Variants in DHX8 observed in about 807,000 individuals in gnomAD.
DHX8 encodes the protein ATP-dependent RNA helicase DHX8.
Under a neutral mutation model 140.7 loss-of-function variants are expected in DHX8, and 67 were observed. The ratio of observed to expected loss-of-function variants is 0.48; its 90% CI spans 0.39 to 0.58. The LOEUF (loss-of-function observed/expected upper bound fraction) is 0.58, where lower values mean the gene tolerates loss of function less well. Among genes scored for constraint, DHX8 ranks in the 20% least tolerant of loss-of-function variants. The probability of loss-of-function intolerance (pLI) is 0.00; values close to 1 mark genes in which losing one functional copy is unlikely to be tolerated. For synonymous variants in DHX8, 533 were observed against 553.2 expected, an observed-to-expected ratio of 0.96 and a Z score of 0.51; for missense variants, 887 against 1,550.7, an observed-to-expected ratio of 0.57 and a Z score of 7.19.
intron 6 of DHX8, 113 bp downstream of exon 6, chr17:43,493,153 G>A: frequency 7.2e-7 from 1 of 1,395,756 alleles, no homozygotes; most frequent in Non-Finnish European, 9.7e-7. Flanking sequence ...AGTCAAATCA[G>A]CCATACATGG....
At chr17:43,495,971 G>A (rs151243882) in intron 8 of DHX8, among the ~76,000 whole-genome samples, 1,798 of 152,046 alleles carry the variant, frequency 0.012, 35 homozygotes, top group African/African-American at 0.039. Context: ...TATGGTGTGC[G>A]CCACTAGTGT....
downstream of DHX8, chr17:43,529,343 G>T: frequency 7.2e-7 from 1 of 1,398,254 alleles, no homozygotes; most frequent in South Asian, 1.2e-5. Context: ...TGCCAAGCTA[G>T]CTCTGCAACA....
Position 43,522,134 on chromosome 17 carries a change from G to T in DHX8, c.3351G>T (p.Lys1117Asn). 1 of 1,614,136 alleles carries T rather than the reference G, an allele frequency of 6.2e-7. No individual in the cohort carries two copies. Among genetic ancestry groups the T allele is most frequent in the Non-Finnish European group, 8.5e-7 (1 of 1,180,022 alleles). ...GTGGGTTCTTCCGTAATGCTGCCAA[G>T]AAAGACCCGCAGGAGGGTTACCGGA... ...ICSGFFRNAAKKDPQEGYRTL... is the reference protein window; with the variant it reads ...ICSGFFRNAANKDPQEGYRTL... The change falls in exon 22 of 23, where the codon AAG (lysine) becomes AAT (asparagine). Residue 1117 changes from lysine to asparagine, a missense_variant. By Grantham distance (94) the Lys-to-Asn change is moderately conservative (BLOSUM62 0). This residue lies in a region of DHX8 where 101 missense variants were observed against 168.2 expected (regional missense o/e 0.60). Coordinates refer to ENST00000262415, the MANE Select transcript of DHX8 (RefSeq NM_004941.3).
intron 5 of DHX8, 86 bp downstream of exon 5, chr17:43,492,378 A>G: frequency 1.4e-5 from 14 of 1,001,772 alleles, no homozygotes; most frequent in Non-Finnish European, 2.2e-5. Context: ...ATTTTGGGCA[A>G]GTTTACAGAA....
chr17:43,487,734 C>A (rs540697689), intron 1 of DHX8, among the ~76,000 whole-genome samples: 1 of 151,902 alleles, frequency 6.6e-6, no homozygotes, highest in Non-Finnish European at 1.5e-5. Context: ...CCCAGCACTT[C>A]GGGAGGCTGA....
intron 17 of DHX8, among the ~76,000 whole-genome samples, chr17:43,514,743 G>A (rs1237913711): frequency 6.6e-6 from 1 of 152,150 alleles, no homozygotes; most frequent in East Asian, 1.9e-4. Flanking sequence ...TATATCAGAG[G>A]AAACCTGGAA....
downstream of DHX8, chr17:43,530,133 C>A: frequency 6.4e-7 from 1 of 1,570,380 alleles, no homozygotes; most frequent in Non-Finnish European, 8.6e-7. Flanking sequence ...TGGAGAGGGC[C>A]CAGAGAAGCC....
intron 12 of DHX8, 116 bp from the exon 13 acceptor site, chr17:43,506,887 A>G (rs1969525383): frequency 1.4e-6 from 1 of 717,934 alleles, no homozygotes; most frequent in Non-Finnish European, 2.1e-6. Flanking sequence ...AGAATATAGT[A>G]ATTATTTTAT....
chr17:43,515,885 A>G (rs891072969), intron 17 of DHX8, among the ~76,000 whole-genome samples: 2 of 152,160 alleles, frequency 1.3e-5, no homozygotes, highest in Non-Finnish European at 2.9e-5. Flanking sequence ...AAATCCTGGT[A>G]CTGTTTGTAA....
chr17:43,492,085 C>T (rs527423809), intron 4 of DHX8, 98 bp from the exon 5 acceptor site: 57 of 803,388 alleles, frequency 7.1e-5, no homozygotes, highest in Admixed American at 4.0e-4. Flanking sequence ...TCTTCTATTT[C>T]CCTCACATAG....
chr17:43,497,876 G>T (rs913820296), intron 9 of DHX8, among the ~76,000 whole-genome samples: 1 of 152,114 alleles, frequency 6.6e-6, no homozygotes. Flanking sequence ...AGCAAGTTCC[G>T]CTTGGTGTTG....
At chr17:43,523,508 G>A in intron 22 of DHX8, 120 bp from the exon 23 acceptor site, 1 of 1,480,080 alleles carries the variant, frequency 6.8e-7, no homozygotes, top group East Asian at 2.3e-5. Flanking sequence ...TCTTATAGGT[G>A]TCAGGCAGGA....
rs569616618 is a variant in DHX8 at position 43,542,150 on chromosome 17, T to C, written c.*21-2012T>C. Among the ~76,000 whole-genome samples, 56 of 152,100 alleles carry C rather than the reference T, an allele frequency of 3.7e-4. No individual in the cohort carries two copies. The South Asian group carries it at 0.011, about 30-fold the overall frequency. ...GAGGGTTGGGGAGCAGTGATTCCTG[T>C]GAAAAGGGGAGCGCAGATCGATCGA... On this transcript the variant is annotated intron_variant, in intron 3 of 3. Transcript: ENST00000589898.
In DHX8 at chr17:43,517,182, C is replaced by T. The variant is rs2154586827; in HGVS notation, c.2659C>T (p.Arg887Ter). The change falls in exon 18 of 23, where the codon CGA becomes TGA. Residue 887 changes from arginine to a stop codon, truncating the protein, a stop_gained. Coordinates refer to ENST00000262415, the MANE Select transcript of DHX8 (RefSeq NM_004941.3). LOFTEE classifies it high-confidence loss of function. ...TPISQAQAKQ[R>*]AGRAGRTGPG... is the part of the protein sequence containing the mutation. ...ACCCCTCTAGGCTCAGGCAAAGCAA[C>T]GAGCTGGCAGAGCTGGGAGAACAGG... The T allele has an allele frequency of 2.5e-6, 4 of 1,613,194 alleles. No homozygotes were observed. Among genetic ancestry groups the T allele is most frequent in the East Asian group, 2.2e-5 (1 of 44,800 alleles).
At position 43,523,869 on chromosome 17, in the gene DHX8, C is replaced by A; in HGVS notation, c.*22C>A. 1 of 1,613,854 alleles carries A rather than the reference C, an allele frequency of 6.2e-7. No homozygotes were observed. The highest frequency in any genetic ancestry group is 8.5e-7 in the Non-Finnish European group (1 of 1,179,898). ...CTGAAAGGCAAGATTGTTCCTTTGC[C>A]TCTCCAGCAGCAGTAGCCAGGGCTT... On this transcript the variant is annotated 3_prime_UTR_variant, in exon 23 of 23. Coordinates refer to ENST00000262415, the MANE Select transcript of DHX8 (RefSeq NM_004941.3).
intron 16 of DHX8, among the ~76,000 whole-genome samples, chr17:43,510,848 A>G (rs1295191577): frequency 1.3e-5 from 2 of 152,190 alleles, no homozygotes; most frequent in African/African-American, 2.4e-5. Flanking sequence ...GGATTTGCCT[A>G]TTCTAGACAT....
chr17:43,487,013 A>G (rs1235568000), intron 1 of DHX8, among the ~76,000 whole-genome samples: 1 of 152,184 alleles, frequency 6.6e-6, no homozygotes, highest in African/African-American at 2.4e-5. Flanking sequence ...GAAAGAATGT[A>G]GCCTCTGAAG....
chr17:43,528,558 G>A (rs140975276), downstream of DHX8: 85 of 1,613,104 alleles, frequency 5.3e-5, no homozygotes, highest in Admixed American at 1.2e-4. Flanking sequence ...ATGGCTGGGC[G>A]GGGCCAGCCA....
chr17:43,534,740 G>T (rs1373806203), intron 2 of DHX8, among the ~76,000 whole-genome samples: 1 of 152,118 alleles, frequency 6.6e-6, no homozygotes, highest in Non-Finnish European at 1.5e-5. Context: ...AGAAGTTCAA[G>T]ACCAGCCTGA....
Sources: gnomAD v4.1 joint callset for allele counts (sites outside exome capture counted in the v4.1 genomes callset) on GRCh38, gnomAD v4.1.1 for gene constraint, gnomAD v4.1.1 regional missense constraint, MANE v1.5 for transcripts, NCBI Gene and HGNC (gene_info 2026-07-23, HGNC 2026-07-21) for gene names.